TCN2: variants seen among roughly 807,000 people sequenced by gnomAD.
TCN2 encodes the protein transcobalamin-2.
TCN2 carries 34 observed loss-of-function variants against 48.6 expected under a neutral mutation model. The observed-to-expected ratio is 0.70, with a 90% confidence interval of 0.53 to 0.93. TCN2 has a LOEUF of 0.93. Among genes scored for constraint, TCN2 ranks in the 40% least tolerant of loss-of-function variants. The probability of loss-of-function intolerance (pLI) is 0.00; values close to 1 mark genes in which losing one functional copy is unlikely to be tolerated. For synonymous variants in TCN2, 283 were observed against 212.5 expected (o/e 1.33, Z -2.89); for missense variants, 652 against 526.1 (o/e 1.24, Z -2.34).
chr22:30,618,833 A>G (rs923395541), intron 7 of TCN2, among the ~76,000 whole-genome samples: 10 of 151,974 alleles, frequency 6.6e-5, no homozygotes, highest in Non-Finnish European at 1.2e-4. Flanking sequence ...GCAGTGGCAC[A>G]ATTTCAGCTC....
chr22:30,617,685 C>A, intron 7 of TCN2, 190 bp downstream of exon 7: 1 of 756,784 alleles, frequency 1.3e-6, no homozygotes, highest in Non-Finnish European at 2.1e-6. Context: ...CCAGCATTGT[C>A]ACTGAGAGAG....
chr22:30,617,974 C>T (rs2087639404), intron 7 of TCN2, among the ~76,000 whole-genome samples: 2 of 152,138 alleles, frequency 1.3e-5, no homozygotes, highest in South Asian at 4.1e-4. Flanking sequence ...GGGTCTCAAT[C>T]TTATCACCCA....
At chr22:30,624,344 G>A (rs2087771567) in intron 8 of TCN2, among the ~76,000 whole-genome samples, 1 of 151,912 alleles carries the variant, frequency 6.6e-6, no homozygotes, top group South Asian at 2.1e-4. Context: ...AAAGTGCTGG[G>A]ATTACAGGCG....
chr22:30,607,483 C>T (rs990491603), intron 1 of TCN2, 88 bp downstream of exon 1: 33 of 1,434,200 alleles, frequency 2.3e-5, no homozygotes, highest in Non-Finnish European at 3.1e-5. Flanking sequence ...CTTACCTGCC[C>T]TTCTAAGCTC....
Position 30,617,505 on chromosome 22 carries a change from C to A in TCN2, c.1106+10C>A. On this transcript the variant is annotated intron_variant, in intron 7 of 8. Transcript: ENST00000215838. ...AGTTAGGAGGATTCACGTGAGACTC[C>A]CACCTCCCAGTCCTCACCCCACCCA... is the stretch of plus-strand genomic sequence containing the variant. 2 of 1,614,054 alleles carry A rather than the reference C, an allele frequency of 1.2e-6. No homozygotes were observed. Among genetic ancestry groups the A allele is most frequent in the Non-Finnish European group, 1.7e-6 (2 of 1,180,006 alleles).
At chr22:30,618,507 A>G (rs961814606) in intron 7 of TCN2, among the ~76,000 whole-genome samples, 10 of 152,094 alleles carry the variant, frequency 6.6e-5, no homozygotes, top group Non-Finnish European at 1.2e-4. Context: ...GCGTGCCACC[A>G]TGCCCAGCTA....
chr22:30,622,843 G>GA, intron 7 of TCN2, 125 bp from the exon 8 acceptor site: 1 of 962,316 alleles, frequency 1.0e-6, no homozygotes, highest in South Asian at 1.3e-5. Context: ...GGTGGCCTGG[G>GA]AAGGGTTTGA....
rs2087818239 is a variant in TCN2, at chr22:30,626,834, A to G, written c.*313A>G. On this transcript the variant is annotated 3_prime_UTR_variant, in exon 9 of 9. Coordinates refer to ENST00000215838, the MANE Select transcript of TCN2 (RefSeq NM_000355.4). ...AGCATCTCAGACTCCTTGGCAAAAA[A>G]CGGAGTCCGCAGGCCGCAGGTGTTG... 2.0e-6 allele frequency: 1 copy of G among 488,454 alleles called. No individual in the cohort carries two copies. The highest frequency in any genetic ancestry group is 3.7e-5 in the East Asian group (1 of 26,762). 30.3% of individuals were successfully genotyped at this position (488,454 alleles called of 1,614,324 possible).
rs548508538 is a variant in TCN2 at position 30,627,158 on chromosome 22, G to A, written c.*637G>A. ...GGGAGGAGTGGAGGGTGCCTGAGCC[G>A]CCATGTGGGCATTGGGGGAGTGATG... On this transcript the variant is annotated 3_prime_UTR_variant, in exon 9 of 9. Transcript: ENST00000215838. 6.6e-5 allele frequency: 11 copies of A among 165,544 alleles called. No homozygotes were observed. Among genetic ancestry groups the A allele is most frequent in the Non-Finnish European group, 1.3e-4 (10 of 74,972 alleles). The allele number at this position is 165,544 out of a possible 1,614,324, so 10.3% of individuals were successfully genotyped here. A position where few individuals can be genotyped will look rare whatever the true frequency, so the allele number is the denominator to read the frequency against.
intron 8 of TCN2, 148 bp from the exon 9 acceptor site, chr22:30,626,311 CA>C: frequency 1.3e-6 from 1 of 794,764 alleles, no homozygotes; most frequent in Non-Finnish European, 2.1e-6. Flanking sequence ...AGTCTTTGAG[CA>C]GGCTTTAGGG....
At chr22:30,609,171 T>G (rs531048814) in intron 1 of TCN2, among the ~76,000 whole-genome samples, 5 of 152,046 alleles carry the variant, frequency 3.3e-5, no homozygotes, top group African/African-American at 1.2e-4. Flanking sequence ...TTTTTTTTTT[T>G]TTAATTTTCT....
chr22:30,610,290 C>T lies in TCN2; in HGVS notation c.65-581C>T, dbSNP rs1305602917. On this transcript the variant is annotated intron_variant, in intron 1 of 8. Transcript: ENST00000215838. ...TGCATGGAGGAAGTTCACCAGGCAG[C>T]CTCAATTCACCAGCTGGAAGTTTGC... 8.5e-6 allele frequency: 4 copies of T among 471,060 alleles called. No individual in the cohort carries two copies. The East Asian group carries it at 2.8e-4, about 33-fold the overall frequency. The allele number at this position is 471,060 out of a possible 1,614,324, so 29.2% of individuals were successfully genotyped here.
At chr22:30,622,179 G>C (rs769447941) in intron 7 of TCN2, among the ~76,000 whole-genome samples, 4 of 152,120 alleles carry the variant, frequency 2.6e-5, no homozygotes, top group Admixed American at 6.6e-5. Flanking sequence ...TAGAGATGGG[G>C]TTTCTTCATG....
Position 30,615,327 on chromosome 22 carries a change from T to C in TCN2, c.607T>C (p.Phe203Leu), listed in dbSNP as rs2087595989. The change falls in exon 5 of 9, where the codon TTC becomes CTC. Residue 203 changes from phenylalanine to leucine, a missense_variant. Transcript: ENST00000215838. ...VDTAAMAGLA[F>L]TCLKRSNFNP... ...CACAGCAGCCATGGCAGGCTTGGCA[T>C]TCACCTGTCTGAAGCGCTCAAACTT... 6.2e-7 allele frequency: 1 copy of C among 1,614,072 alleles called. No homozygotes were observed. The highest frequency in any genetic ancestry group is 8.5e-7 in the Non-Finnish European group (1 of 1,180,034).
intron 2 of TCN2, 29 bp downstream of exon 2, chr22:30,611,092 T>TTGCTCCA: frequency 6.2e-7 from 1 of 1,613,694 alleles, no homozygotes. Flanking sequence ...TTTCCATGTC[T>TTGCTCCA]TGCTCCACAT....
At chr22:30,613,190 C>G (rs1009456848) in intron 3 of TCN2, 148 bp downstream of exon 3, 10 of 1,103,632 alleles carry the variant, frequency 9.1e-6, no homozygotes, top group South Asian at 4.3e-5. Context: ...CGTAGAGGCT[C>G]GAACCTGTCC....
At chr22:30,624,115 C>T (rs541280632) in intron 8 of TCN2, among the ~76,000 whole-genome samples, 41 of 142,908 alleles carry the variant, frequency 2.9e-4, no homozygotes, top group African/African-American at 1.1e-3. Flanking sequence ...TGCTCTGTTG[C>T]CCAGGCCGGA....
intron 1 of TCN2, among the ~76,000 whole-genome samples, chr22:30,607,806 C>T (rs1233625693): frequency 2.0e-5 from 3 of 151,956 alleles, no homozygotes; most frequent in Admixed American, 2.0e-4. Context: ...AGGGGAGGAT[C>T]GCTTGAGCTC....
intron 7 of TCN2, chr22:30,617,736 C>T (rs1160395816): frequency 5.5e-6 from 3 of 545,452 alleles, no homozygotes; most frequent in Non-Finnish European, 9.9e-6. Flanking sequence ...AATCCCAACT[C>T]TAACCAGCTA....
Sources: allele counts gnomAD v4.1 joint callset (sites outside exome capture counted in the v4.1 genomes callset), GRCh38; gene constraint gnomAD v4.1.1; transcripts MANE v1.5; gene names NCBI Gene and HGNC (gene_info 2026-07-23, HGNC 2026-07-21).